Variants in TJP1 observed in about 807,000 individuals in gnomAD.
The protein encoded by TJP1 is tight junction protein ZO-1.
A neutral mutation model predicts 194.2 loss-of-function variants in TJP1; 43 were observed. That is an observed-to-expected ratio of 0.22 (90% CI 0.17 to 0.29). The LOEUF (loss-of-function observed/expected upper bound fraction) is 0.29, where lower values mean the gene tolerates loss of function less well. Among genes scored for constraint, TJP1 ranks in the 10% least tolerant of loss-of-function variants. TJP1 has a pLI of 1.00. For synonymous variants in TJP1, 801 were observed against 779.0 expected, an observed-to-expected ratio of 1.03 and a Z score of -0.47; for missense variants, 1,971 against 2,185.7, an observed-to-expected ratio of 0.90 and a Z score of 1.96.
intron 2 of TJP1, among the ~76,000 whole-genome samples, chr15:29,941,765 C>T (rs888431730): frequency 2.0e-5 from 3 of 152,126 alleles, no homozygotes; most frequent in African/African-American, 7.2e-5. Flanking sequence ...ACATTTTTGC[C>T]GGCTCCACTA....
chr15:29,943,006 C>T (rs921646897), intron 2 of TJP1, among the ~76,000 whole-genome samples: 1 of 152,062 alleles, frequency 6.6e-6, no homozygotes, highest in Admixed American at 6.6e-5. Flanking sequence ...AACAAACTAC[C>T]CTGGCCTGTG....
chr15:29,729,319 A>G (rs1340492997), intron 15 of TJP1: 1 of 152,190 alleles, frequency 6.6e-6, no homozygotes, highest in Non-Finnish European at 1.5e-5. Flanking sequence ...AAAACAAAAC[A>G]AAACAAAACT....
chr15:29,927,276 C>T (rs1407709377), intron 2 of TJP1, among the ~76,000 whole-genome samples: 1 of 152,122 alleles, frequency 6.6e-6, no homozygotes, highest in African/African-American at 2.4e-5. Context: ...GCTGAGATCA[C>T]AGCACTGCAC....
intron 2 of TJP1, among the ~76,000 whole-genome samples, chr15:29,882,949 G>A (rs1311799890): frequency 6.6e-6 from 1 of 152,010 alleles, no homozygotes; most frequent in African/African-American, 2.4e-5. Flanking sequence ...GCCACTCTTA[G>A]GACTTCTACA....
At position 29,844,430 on chromosome 15, in the gene TJP1, T is replaced by A. The variant is rs145221271; in HGVS notation, c.307-43728A>T. On this transcript the variant is annotated intron_variant, in intron 2 of 28. Coordinates refer to the TJP1 transcript ENST00000356107. ...CAGAGAAGGAAGGCAAGAGCAAGGG[T>A]GGACACAGGCCAGTGAGGTGGCACC... Among the ~76,000 whole-genome samples, 44 of 152,076 alleles carry A rather than the reference T, an allele frequency of 2.9e-4. No homozygotes were observed. In the South Asian group the frequency reaches 3.3e-3, roughly 12 times the overall value.
rs747487207 is a variant in TJP1 at position 29,766,590 on chromosome 15, G to A, written c.313-48C>T. ...AATAAGTTGACTGATTTTCATATAT[G>A]TACGTTCAGTTCCAAAGAGAAAGGA... On this transcript the variant is annotated intron_variant, in intron 4 of 27. Coordinates refer to ENST00000614355, the MANE Select transcript of TJP1 (RefSeq NM_001330239.4). 10 of 1,499,046 alleles carry A rather than the reference G, an allele frequency of 6.7e-6. No homozygotes were observed. In the South Asian group the frequency reaches 1.2e-4, roughly 19 times the overall value. The allele number at this position is 1,499,046 out of a possible 1,614,324, so 92.9% of individuals were successfully genotyped here. A position where few individuals can be genotyped will look rare whatever the true frequency, so the allele number is the denominator to read the frequency against.
At chr15:29,884,058 C>T (rs1469780575) in intron 2 of TJP1, among the ~76,000 whole-genome samples, 3 of 152,168 alleles carry the variant, frequency 2.0e-5, no homozygotes, top group Non-Finnish European at 4.4e-5. Flanking sequence ...AACAAGGATA[C>T]CCTAATGATT....
chr15:29,793,780 AT>A (rs2048241011), intron 2 of TJP1, among the ~76,000 whole-genome samples: 1 of 152,198 alleles, frequency 6.6e-6, no homozygotes, highest in Non-Finnish European at 1.5e-5. Flanking sequence ...TAAATGTAAG[AT>A]TTGGGCAGGG....
intron 2 of TJP1, among the ~76,000 whole-genome samples, chr15:29,786,666 A>G (rs939516876): frequency 6.6e-6 from 1 of 152,026 alleles, no homozygotes; most frequent in Non-Finnish European, 1.5e-5. Flanking sequence ...ATGCCTGGCT[A>G]AATTTTTTGG....
At chr15:29,798,671 A>C (rs2048576365) in intron 2 of TJP1, among the ~76,000 whole-genome samples, 1 of 152,206 alleles carries the variant, frequency 6.6e-6, no homozygotes, top group South Asian at 2.1e-4. Context: ...TCTTTTCCTA[A>C]GTATTTACCC....
At chr15:29,856,534 T>C (rs530888680) in intron 2 of TJP1, among the ~76,000 whole-genome samples, 28 of 152,250 alleles carry the variant, frequency 1.8e-4, no homozygotes, top group African/African-American at 6.5e-4. Context: ...ATTTTTACCT[T>C]GTATCATGTC....
At chr15:29,891,226 C>T (rs1444854569) in intron 2 of TJP1, among the ~76,000 whole-genome samples, 2 of 152,206 alleles carry the variant, frequency 1.3e-5, no homozygotes, top group Non-Finnish European at 2.9e-5. Context: ...GTAGTAGGAG[C>T]ATCAAATGCA....
chr15:29,909,338 C>CAA (rs11353216), intron 2 of TJP1, among the ~76,000 whole-genome samples: 8,971 of 93,552 alleles, frequency 0.096, 875 homozygotes, highest in African/African-American at 0.27. Flanking sequence ...ACTTCATCTC[C>CAA]AAAAAAAAAA....
chr15:29,927,563 T>G (rs1317938844), intron 2 of TJP1, among the ~76,000 whole-genome samples: 1 of 152,100 alleles, frequency 6.6e-6, no homozygotes, highest in Non-Finnish European at 1.5e-5. Context: ...TAATTCAGAT[T>G]AACTCCCCCT....
In TJP1 at chr15:29,818,151, C is replaced by T. The variant is rs868031890; in HGVS notation, c.27+3851G>A. The stretch of plus-strand genomic sequence containing the variant: ...TTTCAGATAGCCACAGCGGGCAATA[C>T]TACTATTCCCGAGACTTAACAAAAA... On this transcript the variant is annotated intron_variant, in intron 1 of 27. Coordinates refer to ENST00000614355, the MANE Select transcript of TJP1 (RefSeq NM_001330239.4). Among the ~76,000 whole-genome samples, 7 of 152,270 alleles carry T rather than the reference C, an allele frequency of 4.6e-5. No individual in the cohort carries two copies. The South Asian group carries it at 8.3e-4, about 18-fold the overall frequency.
chr15:29,921,848 T>TTTC (rs553435833), intron 2 of TJP1, among the ~76,000 whole-genome samples: 47 of 98,776 alleles, frequency 4.8e-4, no homozygotes, highest in Non-Finnish European at 2.0e-4. Context: ...TCTTTCTTTC[T>TTTC]TTTTTTTTTC....
intron 1 of TJP1, 89 bp downstream of exon 1, chr15:29,821,913 G>A (rs1216269671): frequency 3.5e-6 from 4 of 1,128,648 alleles, no homozygotes; most frequent in East Asian, 4.3e-5. Flanking sequence ...ACAGCCGCCA[G>A]CGAGGGAGGG....
At chr15:29,855,667 C>A (rs1355277593) in intron 2 of TJP1, among the ~76,000 whole-genome samples, 1 of 152,002 alleles carries the variant, frequency 6.6e-6, no homozygotes, top group Non-Finnish European at 1.5e-5. Context: ...ACCAGCCTGG[C>A]CAACATGGTG....
intron 2 of TJP1, among the ~76,000 whole-genome samples, chr15:29,901,565 T>C (rs1344931403): frequency 6.6e-6 from 1 of 152,168 alleles, no homozygotes; most frequent in Admixed American, 6.5e-5. Flanking sequence ...CTCACACCTG[T>C]AATCCCAACA....
Sources: allele counts gnomAD v4.1 joint callset (sites outside exome capture counted in the v4.1 genomes callset), GRCh38; gene constraint gnomAD v4.1.1; transcripts MANE v1.5; gene names NCBI Gene and HGNC (gene_info 2026-07-23, HGNC 2026-07-21).